Variants in CLASP2 observed in about 807,000 individuals in gnomAD.
CLASP2 encodes the protein cytoplasmic linker associated protein 2.
A neutral mutation model predicts 194.4 loss-of-function variants in CLASP2; 47 were observed. The observed-to-expected ratio is 0.24, with a 90% CI of 0.19 to 0.31. The LOEUF is 0.31. Ranked by LOEUF, CLASP2 falls within the 10% of genes least tolerant of loss-of-function variation. The pLI is 1.00. For synonymous variants in CLASP2, 619 were observed against 633.5 expected, an observed-to-expected ratio of 0.98 and a Z score of 0.34; for missense variants, 1,445 against 1,823.6, an observed-to-expected ratio of 0.79 and a Z score of 3.78.
At chr3:33,510,209 G>C (rs183617880) in intron 37 of CLASP2, among the ~76,000 whole-genome samples, 2 of 152,114 alleles carry the variant, frequency 1.3e-5, no homozygotes, top group South Asian at 2.1e-4. Context: ...CCAGGTGCTG[G>C]GGGGGATGAA....
intron 25 of CLASP2, among the ~76,000 whole-genome samples, chr3:33,571,278 G>C (rs2063717291): frequency 6.6e-6 from 1 of 150,874 alleles, no homozygotes; most frequent in African/African-American, 2.4e-5. Context: ...CTCCCAAAGT[G>C]CTGGGATTAC....
intron 6 of CLASP2, among the ~76,000 whole-genome samples, chr3:33,668,698 G>A (rs1326006060): frequency 6.6e-6 from 1 of 152,164 alleles, no homozygotes; most frequent in African/African-American, 2.4e-5. Flanking sequence ...CTGCATGTTT[G>A]AAAAGCAAAG....
intron 31 of CLASP2, among the ~76,000 whole-genome samples, chr3:33,543,921 C>T (rs557524816): frequency 6.6e-6 from 1 of 152,252 alleles, no homozygotes; most frequent in African/African-American, 2.4e-5. Context: ...TCTTGTCATA[C>T]TATTAATATG....
chr3:33,549,553 A>G (rs2059666209), intron 30 of CLASP2, among the ~76,000 whole-genome samples: 2 of 151,944 alleles, frequency 1.3e-5, no homozygotes, highest in South Asian at 2.1e-4. Flanking sequence ...TATTGACTCT[A>G]ATTTCATTCT....
chr3:33,704,709 C>T (rs2092586445), intron 1 of CLASP2, among the ~76,000 whole-genome samples: 1 of 151,978 alleles, frequency 6.6e-6, no homozygotes, highest in South Asian at 2.1e-4. Flanking sequence ...GCCGAGATTG[C>T]ACCACTGCAC....
chr3:33,612,790 T>C (rs1420740719), intron 12 of CLASP2, among the ~76,000 whole-genome samples: 1 of 152,092 alleles, frequency 6.6e-6, no homozygotes, highest in Non-Finnish European at 1.5e-5. Context: ...GGAAGTGCCC[T>C]TGAAAGACAA....
intron 6 of CLASP2, among the ~76,000 whole-genome samples, chr3:33,675,662 T>C (rs375325723): frequency 1.5e-4 from 22 of 149,006 alleles, no homozygotes; most frequent in African/African-American, 4.9e-4. Context: ...TGTTTGCAGA[T>C]GACATGATTG....
At chr3:33,540,443 T>C (rs2058161493) in intron 32 of CLASP2, among the ~76,000 whole-genome samples, 1 of 152,052 alleles carries the variant, frequency 6.6e-6, no homozygotes, top group Non-Finnish European at 1.5e-5. Context: ...GGTCTCAATA[T>C]GTTGCCCAGG....
chr3:33,546,791 T>TA (rs150414101), intron 30 of CLASP2, among the ~76,000 whole-genome samples: 2,399 of 152,312 alleles, frequency 0.016, 20 homozygotes, highest in South Asian at 0.029. Context: ...TAAATCATAT[T>TA]ACTCTGTGAG....
At chr3:33,528,577 C>T (rs1179422672) in intron 34 of CLASP2, among the ~76,000 whole-genome samples, 2 of 152,110 alleles carry the variant, frequency 1.3e-5, no homozygotes, top group Admixed American at 6.6e-5. Context: ...GCCTGGCCAA[C>T]ATGGTGAAAC....
At chr3:33,625,363 A>T (rs2077819756) in intron 10 of CLASP2, among the ~76,000 whole-genome samples, 1 of 150,142 alleles carries the variant, frequency 6.7e-6, no homozygotes, top group Non-Finnish European at 1.5e-5. Flanking sequence ...AGATTCCTAT[A>T]ACACACACAC....
chr3:33,543,735 GTC>G (rs2058731942), intron 31 of CLASP2, among the ~76,000 whole-genome samples, 196 bp from the exon 32 acceptor site: 1 of 152,126 alleles, frequency 6.6e-6, no homozygotes, highest in African/African-American at 2.4e-5. Flanking sequence ...TAACTCTTTA[GTC>G]TTTTTCTGTT....
At chr3:33,643,636 T>A (rs1473610598) in intron 8 of CLASP2, among the ~76,000 whole-genome samples, 1 of 151,986 alleles carries the variant, frequency 6.6e-6, no homozygotes, top group East Asian at 1.9e-4. Context: ...TACACCCATA[T>A]GTGTATGTAT....
intron 37 of CLASP2, among the ~76,000 whole-genome samples, chr3:33,508,045 A>G (rs1433056400): frequency 6.6e-6 from 1 of 151,542 alleles, no homozygotes; most frequent in African/African-American, 2.4e-5. Flanking sequence ...CCCAGGCTGG[A>G]ATGCAGTGGC....
At chr3:33,699,257 C>T (rs1277625234) in intron 1 of CLASP2, among the ~76,000 whole-genome samples, 1 of 151,928 alleles carries the variant, frequency 6.6e-6, no homozygotes, top group Non-Finnish European at 1.5e-5. Context: ...AATTGCCCAA[C>T]ATAATGTCAT....
chr3:33,697,358 C>T (rs2092014864), intron 1 of CLASP2, among the ~76,000 whole-genome samples: 1 of 152,172 alleles, frequency 6.6e-6, no homozygotes, highest in East Asian at 1.9e-4. Flanking sequence ...ATGGTATATC[C>T]TATTGCTCCT....
At chr3:33,674,833 C>G (rs1431080308) in intron 6 of CLASP2, among the ~76,000 whole-genome samples, 1 of 152,138 alleles carries the variant, frequency 6.6e-6, no homozygotes, top group Non-Finnish European at 1.5e-5. Context: ...ACTAGAAAAT[C>G]TAGAAGAAAT....
intron 6 of CLASP2, among the ~76,000 whole-genome samples, chr3:33,670,779 G>A (rs1324758133): frequency 6.6e-6 from 1 of 152,212 alleles, no homozygotes; most frequent in Non-Finnish European, 1.5e-5. Context: ...ACACAGTCAT[G>A]GTGGTGCAGA....
chr3:33,592,061 C>T (rs2068918446), intron 21 of CLASP2, among the ~76,000 whole-genome samples: 1 of 152,102 alleles, frequency 6.6e-6, no homozygotes, highest in Admixed American at 6.5e-5. Flanking sequence ...AAAATATCTC[C>T]ATGCAAAAGT....
Sources: gnomAD v4.1 joint callset for allele counts (sites outside exome capture counted in the v4.1 genomes callset) on GRCh38, gnomAD v4.1.1 for gene constraint, MANE v1.5 for transcripts, NCBI Gene and HGNC (gene_info 2026-07-23, HGNC 2026-07-21) for gene names.